Variants in DOCK9 observed in about 807,000 individuals in gnomAD.
DOCK9 encodes dedicator of cytokinesis protein 9.
DOCK9 carries 89 observed loss-of-function variants against 263.3 expected under a neutral mutation model. That is an observed-to-expected ratio of 0.34 (90% CI 0.28 to 0.40). The LOEUF is 0.40. Ranked by LOEUF, DOCK9 falls within the 10% of genes least tolerant of loss-of-function variation. The pLI is 1.00. For synonymous variants in DOCK9, 976 were observed against 973.1 expected (o/e 1.00, Z -0.06); for missense variants, 2,140 against 2,603.4 (o/e 0.82, Z 3.87).
At chr13:98,804,938 T>C in intron 49 of DOCK9, 61 bp downstream of exon 49, 1 of 1,531,916 alleles carries the variant, frequency 6.5e-7, no homozygotes, top group Non-Finnish European at 8.8e-7. Flanking sequence ...TCTGAATCCC[T>C]CTGGACAGCT....
upstream of DOCK9, chr13:99,088,611 A>G (rs1310923874): frequency 6.6e-6 from 1 of 152,190 alleles, no homozygotes; most frequent in African/African-American, 2.4e-5. Flanking sequence ...TAAATTAAAA[A>G]CAACAACAAA....
At chr13:98,937,822 C>T (rs2055143260) in intron 2 of DOCK9, among the ~76,000 whole-genome samples, 1 of 151,686 alleles carries the variant, frequency 6.6e-6, no homozygotes, top group South Asian at 2.1e-4. Context: ...TGACAAATTT[C>T]AAATAGATCC....
At position 98,897,624 on chromosome 13, in the gene DOCK9, G is replaced by A; in HGVS notation, c.1587-14C>T. 1.9e-6 allele frequency: 3 copies of A among 1,611,330 alleles called. No homozygotes were observed. The South Asian group carries it at 3.3e-5, about 18-fold the overall frequency. The stretch of plus-strand genomic sequence containing the variant: ...TTAAACAATGTCCTGAAATGGCAAA[G>A]CAACATTTCTAAACTGGGTTTCCAA... On this transcript the variant is annotated splice_polypyrimidine_tract_variant and intron_variant, in intron 14 of 52. Coordinates refer to ENST00000682017, the MANE Select transcript of DOCK9 (RefSeq NM_001366683.2).
At position 98,865,400 on chromosome 13, in the gene DOCK9, T is replaced by G. The variant is rs9517469; in HGVS notation, c.3287-1852A>C. On this transcript the variant is annotated intron_variant, in intron 30 of 52. Transcript: ENST00000682017. ...TTTCTTTATAAATTACCCAGTCTCA[T>G]GTATTCCTTTATAGCACACGAATAG... Among the ~76,000 whole-genome samples the G allele has an allele frequency of 1.6e-3, 239 of 152,294 alleles. 6 individuals are homozygous for G. The South Asian group carries it at 0.043, about 27-fold the overall frequency.
chr13:98,882,378 G>A (rs370888331), intron 23 of DOCK9, among the ~76,000 whole-genome samples: 2 of 152,160 alleles, frequency 1.3e-5, no homozygotes, highest in East Asian at 1.9e-4. Context: ...GGGAGGGGCC[G>A]CAAGCAATCA....
At chr13:99,014,578 G>A (rs531212402) in intron 1 of DOCK9, among the ~76,000 whole-genome samples, 1 of 152,290 alleles carries the variant, frequency 6.6e-6, no homozygotes, top group Admixed American at 6.5e-5. Context: ...AGTCTCAGAT[G>A]GTAGCCTCAC....
chr13:98,827,246 T>C (rs1294634527), intron 43 of DOCK9, among the ~76,000 whole-genome samples: 1 of 152,240 alleles, frequency 6.6e-6, no homozygotes, highest in Non-Finnish European at 1.5e-5. Flanking sequence ...AGAAAACATG[T>C]GCTCCTCCCT....
At chr13:98,989,747 C>T (rs1879380996) in intron 1 of DOCK9, among the ~76,000 whole-genome samples, 1 of 152,076 alleles carries the variant, frequency 6.6e-6, no homozygotes, top group Non-Finnish European at 1.5e-5. Flanking sequence ...CCATGGTAGA[C>T]GTTGACTCAT....
At chr13:98,895,324 C>T (rs11618173) in intron 15 of DOCK9, among the ~76,000 whole-genome samples, 1,782 of 151,980 alleles carry the variant, frequency 0.012, 14 homozygotes, top group Middle Eastern at 0.017. Context: ...ATCATAGCTA[C>T]ATAAGATAAA....
chr13:99,019,254 G>A (rs1056814253), intron 1 of DOCK9, among the ~76,000 whole-genome samples: 45 of 152,102 alleles, frequency 3.0e-4, no homozygotes, highest in Admixed American at 2.7e-3. Context: ...CATTGCTAGC[G>A]GGTATGAGGT....
chr13:98,877,071 A>G (rs780074304), intron 27 of DOCK9, among the ~76,000 whole-genome samples: 6 of 152,228 alleles, frequency 3.9e-5, no homozygotes, highest in Non-Finnish European at 2.9e-5. Flanking sequence ...AAGTTCCAAA[A>G]ACAAACCATT....
At chr13:98,850,147 C>T (rs1243312107) in intron 35 of DOCK9, 34 bp from the exon 36 acceptor site, 4 of 1,340,702 alleles carry the variant, frequency 3.0e-6, no homozygotes, top group South Asian at 1.5e-5. Context: ...AATCACAATA[C>T]ATATGATATA....
Position 98,885,479 on chromosome 13 carries a change from C to T in DOCK9, c.2260+229G>A, listed in dbSNP as rs1272758397. 1.9e-5 allele frequency: 10 copies of T among 513,284 alleles called. 1 individual carries two copies. In the East Asian group the frequency reaches 3.4e-4, roughly 18 times the overall value. 31.8% of individuals were successfully genotyped at this position (513,284 alleles called of 1,614,324 possible). A position where few individuals can be genotyped will look rare whatever the true frequency, so the allele number is the denominator to read the frequency against. On this transcript the variant is annotated intron_variant, in intron 20 of 52. Transcript: ENST00000682017. ...AATTAGCCAGTGGGTGTGGTGCGTG[C>T]CTGTAGTCCCAGCTATTCAGGAGGC...
intron 27 of DOCK9, among the ~76,000 whole-genome samples, chr13:98,870,244 C>T (rs2094151356): frequency 6.6e-6 from 1 of 152,054 alleles, no homozygotes; most frequent in African/African-American, 2.4e-5. Context: ...AATTCTCAAA[C>T]CAATAACGAG....
In DOCK9 at chr13:98,976,421, C is replaced by T. The variant is rs551671736; in HGVS notation, c.126+1363G>A. On this transcript the variant is annotated intron_variant, in intron 1 of 52. Transcript: ENST00000682017. ...AAAAAAAAAATTGCATAGCATCTTTCTACAGTGTATTCAGTCCTGTAGACA... is the reference window on the plus strand; with the variant it reads ...AAAAAAAAAATTGCATAGCATCTTTTTACAGTGTATTCAGTCCTGTAGACA... Among the ~76,000 whole-genome samples, 11 of 152,288 alleles carry T rather than the reference C, an allele frequency of 7.2e-5. No homozygotes were observed. In the South Asian group the frequency reaches 2.3e-3, roughly 32 times the overall value.
chr13:98,814,483 G>A (rs2091624624), intron 45 of DOCK9, among the ~76,000 whole-genome samples: 1 of 145,846 alleles, frequency 6.9e-6, no homozygotes, highest in South Asian at 2.1e-4. Flanking sequence ...TTGGCTTACT[G>A]CAACCTCCAC....
intron 1 of DOCK9, among the ~76,000 whole-genome samples, chr13:98,961,930 TG>T (rs746761469): frequency 7.9e-5 from 12 of 152,244 alleles, no homozygotes; most frequent in Non-Finnish European, 1.2e-4. Context: ...CTTGGCGGTA[TG>T]TAAGATTAGT....
chr13:98,931,338 G>A (rs560378264), intron 2 of DOCK9, among the ~76,000 whole-genome samples: 39 of 150,248 alleles, frequency 2.6e-4, no homozygotes, highest in Admixed American at 1.3e-3. Context: ...TCGCTCTGTC[G>A]CCCAGTCTGG....
chr13:98,970,409 G>A (rs2059622878), intron 1 of DOCK9, among the ~76,000 whole-genome samples: 1 of 152,190 alleles, frequency 6.6e-6, no homozygotes, highest in East Asian at 1.9e-4. Flanking sequence ...CAGAGATGGG[G>A]GATCTGGAGG....
Sources: gnomAD v4.1 joint callset for allele counts (sites outside exome capture counted in the v4.1 genomes callset) on GRCh38, gnomAD v4.1.1 for gene constraint, MANE v1.5 for transcripts, NCBI Gene and HGNC (gene_info 2026-07-23, HGNC 2026-07-21) for gene names.